The following CDK14 variants were observed in gnomAD, a reference collection of about 807,000 sequenced individuals.
The protein encoded by CDK14 is cyclin-dependent kinase 14.
CDK14 carries 34 observed loss-of-function variants against 60.7 expected under a neutral mutation model. The ratio of observed to expected loss-of-function variants is 0.56; its 90% CI spans 0.43 to 0.75. The LOEUF is 0.75. Ranked by LOEUF, CDK14 falls within the 30% of genes least tolerant of loss-of-function variation. CDK14 has a pLI of 0.00. For synonymous variants in CDK14, 197 were observed against 203.7 expected, an observed-to-expected ratio of 0.97 and a Z score of 0.28; for missense variants, 482 against 564.1, an observed-to-expected ratio of 0.85 and a Z score of 1.47.
Position 90,649,068 on chromosome 7 carries a change from G to T in CDK14, c.123+44819G>T, listed in dbSNP as rs948578850. 1.8e-4 allele frequency among the ~76,000 whole-genome samples: 27 copies of T among 152,150 alleles called. 1 individual carries two copies. Among genetic ancestry groups the T allele is most frequent in the African/African-American group, 6.5e-4 (27 of 41,494 alleles). Reference sequence around the variant, plus strand: ...TTTATACTTTGTTTTGTGAGGCTGGGGTTGGAACTCTGTAAATTATGCTTC... The same window carrying T: ...TTTATACTTTGTTTTGTGAGGCTGGTGTTGGAACTCTGTAAATTATGCTTC... On this transcript the variant is annotated intron_variant, in intron 2 of 14. Transcript: ENST00000380050.
chr7:91,205,507 G>A (rs948530603), intron 14 of CDK14, among the ~76,000 whole-genome samples: 3 of 152,158 alleles, frequency 2.0e-5, no homozygotes, highest in African/African-American at 7.2e-5. Context: ...AGAAACATTA[G>A]TATTAATAGT....
intron 11 of CDK14, among the ~76,000 whole-genome samples, chr7:91,078,023 G>A (rs1454141779): frequency 1.3e-5 from 2 of 152,202 alleles, no homozygotes; most frequent in East Asian, 1.9e-4. Flanking sequence ...GCTAGAAGAC[G>A]TATGGAGAAA....
Position 90,702,873 on chromosome 7 carries a change from T to G in CDK14, c.124-23694T>G, listed in dbSNP as rs1323138406. ...CTGTATGTTTATTTGGCAGGCTCTT[T>G]TAAGAGGGTTTTCTTCCTTTTGAGA... On this transcript the variant is annotated intron_variant, in intron 2 of 14. Transcript: ENST00000380050. Among the ~76,000 whole-genome samples, 3 of 152,174 alleles carry G rather than the reference T, an allele frequency of 2.0e-5. No homozygotes were observed. The East Asian group carries it at 5.8e-4, about 29-fold the overall frequency.
intron 12 of CDK14, among the ~76,000 whole-genome samples, chr7:91,097,574 T>A (rs1347562098): frequency 6.9e-6 from 1 of 144,962 alleles, no homozygotes; most frequent in African/African-American, 2.5e-5. Flanking sequence ...AGAATCATCA[T>A]GTCTTACTTT....
intron 4 of CDK14, among the ~76,000 whole-genome samples, chr7:90,773,218 AGT>A (rs1411442753): frequency 6.6e-6 from 1 of 152,214 alleles, no homozygotes; most frequent in Non-Finnish European, 1.5e-5. Context: ...GTAGTATAAG[AGT>A]GTGGACTACA....
rs770090878 is a variant in CDK14, at chr7:90,955,664, G to A, written c.827-33G>A. The A allele has an allele frequency of 3.1e-6, 5 of 1,610,684 alleles. No individual in the cohort carries two copies. In the East Asian group the frequency reaches 8.9e-5, roughly 29 times the overall value. ...AAATTCCCTTGTTTTGCTAATGCCT[G>A]TTAAACTTCTTTATGTTTCATATAA... On this transcript the variant is annotated intron_variant, in intron 8 of 14. Coordinates refer to ENST00000380050, the MANE Select transcript of CDK14 (RefSeq NM_001287135.2).
At chr7:90,817,313 A>G (rs1251043629) in intron 5 of CDK14, among the ~76,000 whole-genome samples, 2 of 152,196 alleles carry the variant, frequency 1.3e-5, no homozygotes, top group African/African-American at 4.8e-5. Context: ...GTATACCCGT[A>G]AGAATCGAAT....
intron 12 of CDK14, among the ~76,000 whole-genome samples, chr7:91,109,968 A>G (rs1010706574): frequency 1.3e-5 from 2 of 152,072 alleles, no homozygotes; most frequent in Non-Finnish European, 1.5e-5. Context: ...ACAAAAATTG[A>G]TGGAATTCCA....
intron 6 of CDK14, among the ~76,000 whole-genome samples, chr7:90,869,651 A>C (rs921468972): frequency 2.6e-5 from 4 of 152,226 alleles, no homozygotes; most frequent in Non-Finnish European, 5.9e-5. Context: ...AGGCTATTGC[A>C]ATAAGATCTA....
chr7:91,109,466 G>A (rs1799413190), intron 12 of CDK14, among the ~76,000 whole-genome samples: 10 of 152,036 alleles, frequency 6.6e-5, no homozygotes, highest in Admixed American at 5.9e-4. Flanking sequence ...GAAATAGAAT[G>A]CATAACTTCT....
chr7:91,014,444 A>G (rs1161409860), intron 10 of CDK14, among the ~76,000 whole-genome samples: 2 of 152,170 alleles, frequency 1.3e-5, no homozygotes, highest in Non-Finnish European at 2.9e-5. Flanking sequence ...CAAACATGAG[A>G]TCATGTTTAG....
At chr7:90,745,067 T>A (rs768194291) in intron 3 of CDK14, among the ~76,000 whole-genome samples, 24 of 152,242 alleles carry the variant, frequency 1.6e-4, no homozygotes, top group Non-Finnish European at 3.4e-4. Flanking sequence ...TATATCAATT[T>A]ACTGATTACC....
chr7:90,744,263 CT>C (rs1168975255), intron 3 of CDK14, among the ~76,000 whole-genome samples: 1 of 152,178 alleles, frequency 6.6e-6, no homozygotes, highest in Admixed American at 6.5e-5. Context: ...ACATCTTGCA[CT>C]GCCCTTAATC....
chr7:90,801,745 A>T (rs1788639463), intron 5 of CDK14, among the ~76,000 whole-genome samples: 1 of 152,274 alleles, frequency 6.6e-6, no homozygotes, highest in Admixed American at 6.5e-5. Flanking sequence ...CTTTGAGTAG[A>T]TTCCTGGGCT....
chr7:90,610,655 G>A (rs1799521208), intron 2 of CDK14, among the ~76,000 whole-genome samples: 1 of 152,076 alleles, frequency 6.6e-6, no homozygotes, highest in South Asian at 2.1e-4. Context: ...TCCATTCCAG[G>A]CCTCTCCCCT....
chr7:91,094,062 G>A (rs1247532188), intron 12 of CDK14, among the ~76,000 whole-genome samples: 1 of 152,028 alleles, frequency 6.6e-6, no homozygotes, highest in East Asian at 1.9e-4. Flanking sequence ...ACAAGCACCT[G>A]TTGGTTACTA....
At chr7:90,997,538 G>T (rs889453001) in intron 10 of CDK14, among the ~76,000 whole-genome samples, 3 of 152,022 alleles carry the variant, frequency 2.0e-5, no homozygotes, top group African/African-American at 7.3e-5. Context: ...ATCATTAATG[G>T]CAGATAACAT....
chr7:90,732,969 G>T (rs1802932495), intron 3 of CDK14, among the ~76,000 whole-genome samples: 1 of 151,696 alleles, frequency 6.6e-6, no homozygotes, highest in Non-Finnish European at 1.5e-5. Context: ...TTTCTCTTGT[G>T]GGCATTTAGT....
At chr7:91,128,755 G>A (rs1222670322) in intron 14 of CDK14, among the ~76,000 whole-genome samples, 4 of 152,096 alleles carry the variant, frequency 2.6e-5, no homozygotes, top group Non-Finnish European at 5.9e-5. Context: ...GTGAATTGGT[G>A]GTGTTTGTGC....
Sources: gnomAD v4.1 joint callset for allele counts (sites outside exome capture counted in the v4.1 genomes callset) on GRCh38, gnomAD v4.1.1 for gene constraint, MANE v1.5 for transcripts, NCBI Gene and HGNC (gene_info 2026-07-23, HGNC 2026-07-21) for gene names.